The following INTS9 variants were observed in gnomAD, a reference collection of about 807,000 sequenced individuals.
INTS9 encodes integrator complex subunit 9.
INTS9 carries 55 observed loss-of-function variants against 79.7 expected under a neutral mutation model. The observed-to-expected ratio is 0.69, with a 90% CI of 0.56 to 0.86. The LOEUF (loss-of-function observed/expected upper bound fraction) is 0.86, where lower values mean the gene tolerates loss of function less well. Among genes scored for constraint, INTS9 ranks in the 40% least tolerant of loss-of-function variants. The probability of loss-of-function intolerance (pLI) is 0.00; values close to 1 mark genes in which losing one functional copy is unlikely to be tolerated. For synonymous variants in INTS9, 319 were observed against 325.2 expected (o/e 0.98, Z 0.20); for missense variants, 721 against 831.5 (o/e 0.87, Z 1.64).
chr8:28,865,258 T>TA (rs763919140), intron 1 of INTS9, among the ~76,000 whole-genome samples: 8 of 151,476 alleles, frequency 5.3e-5, no homozygotes, highest in Admixed American at 2.6e-4. Flanking sequence ...AAATTTTATT[T>TA]TAAAAAAAAC....
At chr8:28,817,354 G>C (rs1805548993) in intron 6 of INTS9, among the ~76,000 whole-genome samples, 1 of 152,154 alleles carries the variant, frequency 6.6e-6, no homozygotes, top group Non-Finnish European at 1.5e-5. Context: ...AAGGGATCCA[G>C]TTTCAGCTTT....
Position 28,837,652 on chromosome 8 carries a change from G to C in INTS9, c.386C>G (p.Thr129Ser). The change falls in exon 5 of 17, where the codon ACC becomes AGC. Residue 129 changes from threonine (T) to serine (S), a missense_variant. Coordinates refer to ENST00000521022, the MANE Select transcript of INTS9 (RefSeq NM_018250.4). ...FTGTVYATEP[T>S]VQIGRLLMEE... is the part of the protein sequence containing the mutation. ...ACCCTCTCACCTGCCGATCTGGACG[G>C]TGGGTTCCGTGGCATACACTGTGCC... 6.2e-7 allele frequency: 1 copy of C among 1,613,216 alleles called. No homozygotes were observed. The highest frequency in any genetic ancestry group is 8.5e-7 in the Non-Finnish European group (1 of 1,179,928).
rs190891600 is a variant in INTS9 at position 28,834,971 on chromosome 8, C to T, written c.488+321G>A. ...GGATTACAGGCGTGAGTCACCGCGC[C>T]TAGCTGGCAAACACCTCTTCTAAGA... is the stretch of plus-strand genomic sequence containing the variant. On this transcript the variant is annotated intron_variant, in intron 6 of 16. Coordinates refer to ENST00000521022, the MANE Select transcript of INTS9 (RefSeq NM_018250.4). 3.9e-5 allele frequency among the ~76,000 whole-genome samples: 6 copies of T among 152,350 alleles called. No homozygotes were observed. In the East Asian group the frequency reaches 1.2e-3, roughly 29 times the overall value.
intron 3 of INTS9, 108 bp downstream of exon 3, chr8:28,850,105 G>GA (rs76248890): frequency 0.024 from 15,428 of 646,154 alleles, 38 homozygotes; most frequent in African/African-American, 0.049. Flanking sequence ...TTTCAGAGAG[G>GA]AAAAAAAAAA....
At chr8:28,844,848 G>T (rs1807412293) in intron 4 of INTS9, among the ~76,000 whole-genome samples, 2 of 152,108 alleles carry the variant, frequency 1.3e-5, no homozygotes, top group African/African-American at 4.8e-5. Flanking sequence ...TAATAAATTT[G>T]TGTATACTTT....
intron 2 of INTS9, among the ~76,000 whole-genome samples, chr8:28,852,676 G>C (rs992908703): frequency 6.6e-6 from 1 of 152,226 alleles, no homozygotes; most frequent in East Asian, 1.9e-4. Flanking sequence ...GATGCAGTTA[G>C]TTGTCCTCAA....
At chr8:28,857,360 T>C (rs10103360) in intron 2 of INTS9, among the ~76,000 whole-genome samples, 68,511 of 151,868 alleles carry the variant, frequency 0.45, 16,913 homozygotes, top group Non-Finnish European at 0.56. Flanking sequence ...AATGGTCAAA[T>C]AAGATGAGGA....
intron 6 of INTS9, among the ~76,000 whole-genome samples, chr8:28,819,117 TAATTTTTGG>T (rs1368246479): frequency 2.0e-5 from 3 of 152,240 alleles, no homozygotes; most frequent in Non-Finnish European, 4.4e-5. Context: ...TTGGATTCAC[TAATTTTTGG>T]AAGGGTTTTT....
At chr8:28,831,709 CT>C (rs1441331968) in intron 6 of INTS9, among the ~76,000 whole-genome samples, 1 of 151,682 alleles carries the variant, frequency 6.6e-6, no homozygotes, top group African/African-American at 2.4e-5. Context: ...AAATATTGCC[CT>C]TTTTTTTAGA....
At chr8:28,881,104 C>T (rs1437003379) in intron 1 of INTS9, among the ~76,000 whole-genome samples, 7 of 150,774 alleles carry the variant, frequency 4.6e-5, no homozygotes, top group Non-Finnish European at 7.4e-5. Context: ...GCCCGGCAGC[C>T]ACCCCGTCCG....
At chr8:28,824,923 T>G (rs1054305162) in intron 6 of INTS9, among the ~76,000 whole-genome samples, 1 of 152,178 alleles carries the variant, frequency 6.6e-6, no homozygotes, top group Non-Finnish European at 1.5e-5. Flanking sequence ...ATATAATGCA[T>G]GTGAAATGTC....
chr8:28,873,336 G>C (rs1809194579), intron 1 of INTS9, among the ~76,000 whole-genome samples: 1 of 152,158 alleles, frequency 6.6e-6, no homozygotes, highest in Admixed American at 6.5e-5. Flanking sequence ...TGGATTTATG[G>C]ATGAATTTAT....
intron 11 of INTS9, among the ~76,000 whole-genome samples, chr8:28,787,494 A>T (rs1308153448): frequency 6.6e-6 from 1 of 152,174 alleles, no homozygotes; most frequent in Non-Finnish European, 1.5e-5. Flanking sequence ...CACCAACATG[A>T]TGCTCAAAGG....
intron 6 of INTS9, among the ~76,000 whole-genome samples, chr8:28,817,514 ATC>A (rs1805563221): frequency 6.6e-6 from 1 of 152,132 alleles, no homozygotes; most frequent in African/African-American, 2.4e-5. Flanking sequence ...ATTGATCTAT[ATC>A]TCTGTTTTGG....
At chr8:28,839,104 TG>T (rs1807002145) in intron 4 of INTS9, among the ~76,000 whole-genome samples, 1 of 152,170 alleles carries the variant, frequency 6.6e-6, no homozygotes, top group Non-Finnish European at 1.5e-5. Context: ...GGTTAAGAGA[TG>T]GGTCCTTGAG....
At chr8:28,845,592 G>A (rs1807459610) in intron 4 of INTS9, among the ~76,000 whole-genome samples, 1 of 152,216 alleles carries the variant, frequency 6.6e-6, no homozygotes, top group African/African-American at 2.4e-5. Flanking sequence ...TAAATGGAAG[G>A]TTGCAGTAGT....
chr8:28,799,853 G>T (rs1281793683), intron 8 of INTS9, among the ~76,000 whole-genome samples: 1 of 152,192 alleles, frequency 6.6e-6, no homozygotes, highest in Non-Finnish European at 1.5e-5. Flanking sequence ...CCACATTGGT[G>T]TGCTGAGGTC....
rs754398392 is a variant in INTS9, at chr8:28,775,918, G to A, written c.1404C>T (p.His468=). 3.9e-6 allele frequency: 6 copies of A among 1,558,130 alleles called. No individual in the cohort carries two copies. Among genetic ancestry groups the A allele is most frequent in the East Asian group, 2.3e-5 (1 of 43,058 alleles). The stretch of plus-strand genomic sequence containing the variant: ...GAGTGTACTGCTCAGGACACACCAC[G>A]TGCAGGGGCTGAGGAACCAATGGGA... ...SKLLKEVQPL[H]VVCPEQYTQP... is the part of the protein sequence containing the mutation. Residue 468 remains histidine, a synonymous_variant, in exon 14 of 17, where the codon CAC becomes CAT. Transcript: ENST00000521022.
intron 1 of INTS9, among the ~76,000 whole-genome samples, chr8:28,889,036 A>G (rs926564747): frequency 6.6e-6 from 1 of 152,162 alleles, no homozygotes; most frequent in African/African-American, 2.4e-5. Context: ...AAGCTTGACA[A>G]TAACTTGGCT....
Sources: allele counts gnomAD v4.1 joint callset (sites outside exome capture counted in the v4.1 genomes callset), GRCh38; gene constraint gnomAD v4.1.1; transcripts MANE v1.5; gene names NCBI Gene and HGNC (gene_info 2026-07-23, HGNC 2026-07-21).